PATJ: variants seen among roughly 807,000 people sequenced by gnomAD.
The protein encoded by PATJ is PATJ crumbs cell polarity complex component, also known as inaD-like protein.
PATJ carries 190 observed loss-of-function variants against 224.9 expected under a neutral mutation model. The observed-to-expected ratio is 0.84, with a 90% confidence interval of 0.75 to 0.95. The LOEUF (loss-of-function observed/expected upper bound fraction) is 0.95, where lower values mean the gene tolerates loss of function less well. PATJ is among the 40% of genes least tolerant of loss of function. The probability of loss-of-function intolerance (pLI) is 0.00; values close to 1 mark genes in which losing one functional copy is unlikely to be tolerated. For missense variants in PATJ, 2,121 were observed against 2,270.3 expected (o/e 0.93, Z 1.34); for synonymous variants, 769 against 820.3 (o/e 0.94, Z 1.07).
intron 34 of PATJ, among the ~76,000 whole-genome samples, chr1:62,110,140 G>A (rs1355570642): frequency 6.6e-6 from 1 of 152,146 alleles, no homozygotes; most frequent in African/African-American, 2.4e-5. Context: ...ATTAAAGATG[G>A]CCAGTACAGG....
chr1:61,815,809 A>G lies in PATJ; in HGVS notation c.1684-7136A>G, dbSNP rs150553904. ...GAAAGCTATTTACAGTGACTTAAGC[A>G]TTAGCTGCACTGCTTCTAGGAAGCT... On this transcript the variant is annotated intron_variant, in intron 14 of 43. Transcript: ENST00000642238. 1.4e-3 allele frequency among the ~76,000 whole-genome samples: 213 copies of G among 152,340 alleles called. 1 individual carries two copies. In the Middle Eastern group the frequency reaches 0.037, roughly 27 times the overall value.
At chr1:62,158,478 G>A (rs1176735359) in intron 43 of PATJ, among the ~76,000 whole-genome samples, 1 of 148,618 alleles carries the variant, frequency 6.7e-6, no homozygotes, top group Non-Finnish European at 1.5e-5. Flanking sequence ...CCAGCACTTT[G>A]GGAGGCCAAG....
intron 13 of PATJ, among the ~76,000 whole-genome samples, chr1:61,806,020 G>A (rs1192296354): frequency 6.6e-6 from 1 of 152,200 alleles, no homozygotes; most frequent in Non-Finnish European, 1.5e-5. Context: ...TTTAGGTTAG[G>A]TATAAGTTTA....
chr1:61,776,967 C>T (rs546711353), intron 7 of PATJ, among the ~76,000 whole-genome samples: 4 of 152,214 alleles, frequency 2.6e-5, no homozygotes, highest in South Asian at 4.2e-4. Context: ...CCTCGTGATC[C>T]GCCCGCCTTA....
At chr1:62,050,893 G>C in intron 30 of PATJ, 73 bp from the exon 31 acceptor site, 1 of 1,075,906 alleles carries the variant, frequency 9.3e-7, no homozygotes, top group African/African-American at 1.6e-5. Flanking sequence ...AAATGACATT[G>C]AGTATCTGTA....
chr1:61,783,866 C>T (rs1012450022), intron 7 of PATJ, among the ~76,000 whole-genome samples: 2 of 151,338 alleles, frequency 1.3e-5, no homozygotes, highest in Non-Finnish European at 2.9e-5. Flanking sequence ...GCCTCAGCCT[C>T]CCATGTAGCT....
chr1:62,158,871 C>T (rs1669560174), intron 43 of PATJ, among the ~76,000 whole-genome samples: 1 of 151,964 alleles, frequency 6.6e-6, no homozygotes, highest in Non-Finnish European at 1.5e-5. Flanking sequence ...ATCGCTTGAA[C>T]CTGGGAGGTG....
intron 21 of PATJ, 154 bp downstream of exon 21, chr1:61,875,520 TGAAA>T (rs1412191038): frequency 3.6e-6 from 2 of 561,782 alleles, no homozygotes; most frequent in East Asian, 7.3e-5. Flanking sequence ...CAGAATTACC[TGAAA>T]GAATAAACAT....
At chr1:62,077,386 A>C (rs1570473470) in intron 31 of PATJ, among the ~76,000 whole-genome samples, 1 of 152,194 alleles carries the variant, frequency 6.6e-6, no homozygotes, top group African/African-American at 2.4e-5. Context: ...TTTTTAGTCA[A>C]TATTAAATGA....
intron 18 of PATJ, among the ~76,000 whole-genome samples, chr1:61,861,284 CTTTTTTTTTTTTTT>C: frequency 2.0e-5 from 1 of 48,848 alleles, no homozygotes; most frequent in Non-Finnish European, 4.2e-5. Flanking sequence ...TTCTTTCTTT[CTTTTTTTTTTTTTT>C]TTTTTTTTTA....
chr1:62,026,534 T>C (rs961765729), intron 29 of PATJ, among the ~76,000 whole-genome samples: 6 of 151,396 alleles, frequency 4.0e-5, no homozygotes, highest in African/African-American at 1.5e-4. Context: ...AGGCACTAGA[T>C]TGTAGTTGTA....
At chr1:61,929,987 C>T (rs1202789201) in intron 27 of PATJ, among the ~76,000 whole-genome samples, 3 of 152,186 alleles carry the variant, frequency 2.0e-5, no homozygotes, top group East Asian at 1.9e-4. Flanking sequence ...CACATATACA[C>T]GGCAGCAGTG....
chr1:61,883,689 G>C (rs976634758), intron 21 of PATJ, among the ~76,000 whole-genome samples: 2 of 151,296 alleles, frequency 1.3e-5, no homozygotes, highest in Admixed American at 1.3e-4. Context: ...CCGGGAGGCG[G>C]AGGTTGCAGT....
chr1:62,099,065 A>G (rs998815791), intron 33 of PATJ, among the ~76,000 whole-genome samples: 1 of 152,158 alleles, frequency 6.6e-6, no homozygotes, highest in Non-Finnish European at 1.5e-5. Context: ...TTTTCAGTGT[A>G]GATTTGGATG....
Position 61,808,537 on chromosome 1 carries a change from AT to A in PATJ, c.1683+13del. ...GTTACAGAAATATTCAAAGGTAAGCATTTTTTATAACAAAGTTAACAGTTTT... is the reference window on the plus strand; with the variant it reads ...GTTACAGAAATATTCAAAGGTAAGCATTTTTATAACAAAGTTAACAGTTTT... On this transcript the variant is annotated splice_region_variant and intron_variant, in intron 14 of 43. Coordinates refer to ENST00000642238, the MANE Select transcript of PATJ (RefSeq NM_001350145.3). The A allele has an allele frequency of 1.3e-6, 2 of 1,575,944 alleles. No homozygotes were observed. Among genetic ancestry groups the A allele is most frequent in the Non-Finnish European group, 1.7e-6 (2 of 1,146,256 alleles).
intron 31 of PATJ, among the ~76,000 whole-genome samples, chr1:62,056,937 G>A (rs1352619894): frequency 6.6e-6 from 1 of 152,034 alleles, no homozygotes; most frequent in African/African-American, 2.4e-5. Flanking sequence ...AGCAGTTCTC[G>A]TTCCTTAGCC....
At position 62,158,431 on chromosome 1, in the gene PATJ, G is replaced by A. The variant is rs529987760; in HGVS notation, c.5503-2477G>A. ...GTGGATCACCTGAGGTCAAGAGTTC[G>A]AGACCAGGCCGGTCACGGTGGCTCA... On this transcript the variant is annotated intron_variant, in intron 43 of 43. Transcript: ENST00000642238. 1.2e-4 allele frequency among the ~76,000 whole-genome samples: 18 copies of A among 148,570 alleles called. 1 individual carries two copies. In the East Asian group the frequency reaches 2.3e-3, roughly 19 times the overall value.
At position 61,763,143 on chromosome 1, in the gene PATJ, C is replaced by T. The variant is rs922624247; in HGVS notation, c.153C>T (p.Leu51=). ...AGAGTCCTCTCTTCAACCAGATACT[C>T]ACACTTCAGCAGTCCATCAAGCAAC... ...TLKSPLFNQI[L]TLQQSIKQLK... is the part of the protein sequence containing the mutation. Residue 51 remains leucine, a synonymous_variant, in exon 3 of 44, where the codon CTC becomes CTT. Transcript: ENST00000642238. 11 of 1,603,164 alleles carry T rather than the reference C, an allele frequency of 6.9e-6. No individual in the cohort carries two copies. Among genetic ancestry groups the T allele is most frequent in the Non-Finnish European group, 9.4e-6 (11 of 1,174,506 alleles).
At chr1:62,036,871 C>CAAAAAAAAAAAAAAAAAAAAAAAAAA (rs55761910) in intron 29 of PATJ, among the ~76,000 whole-genome samples, 825 of 67,274 alleles carry the variant, frequency 0.012, 89 homozygotes, top group Non-Finnish European at 0.018. Flanking sequence ...GACTCCATCT[C>CAAAAAAAAAAAAAAAAAAAAAAAAAA]AAAAAAAAAA....
Sources: gnomAD v4.1 joint callset for allele counts (sites outside exome capture counted in the v4.1 genomes callset) on GRCh38, gnomAD v4.1.1 for gene constraint, MANE v1.5 for transcripts, NCBI Gene and HGNC (gene_info 2026-07-23, HGNC 2026-07-21) for gene names.